Variants in AMD1 observed in about 807,000 individuals in gnomAD.
The protein encoded by AMD1 is S-adenosylmethionine decarboxylase proenzyme.
AMD1 carries 11 observed loss-of-function variants against 40.2 expected under a neutral mutation model. That is an observed-to-expected ratio of 0.27 (90% CI 0.17 to 0.45). The LOEUF is 0.45. AMD1 is among the 20% of genes least tolerant of loss of function. AMD1 has a pLI of 1.00. For synonymous variants in AMD1, 121 were observed against 130.8 expected, an observed-to-expected ratio of 0.93 and a Z score of 0.51; for missense variants, 257 against 410.2, an observed-to-expected ratio of 0.63 and a Z score of 3.23.
chr6:110,860,751 G>T, the AMD1 span, among the ~76,000 whole-genome samples: 3 of 151,338 alleles, frequency 2.0e-5, no homozygotes, highest in Admixed American at 1.3e-4. Flanking sequence ...AGTGAGCCAA[G>T]ATCATGCCAC....
the AMD1 span, among the ~76,000 whole-genome samples, chr6:110,823,447 C>G: frequency 7.2e-5 from 11 of 152,112 alleles, no homozygotes; most frequent in African/African-American, 2.7e-4. Flanking sequence ...TCTCTGTTTG[C>G]TATTGATATG....
intron 1 of AMD1, among the ~76,000 whole-genome samples, chr6:110,887,167 G>T (rs1267271398): frequency 6.6e-6 from 1 of 151,928 alleles, no homozygotes; most frequent in East Asian, 1.9e-4. Flanking sequence ...TTAAAAATCT[G>T]CACATTTTAT....
chr6:110,819,226 G>A, the AMD1 span, among the ~76,000 whole-genome samples: 15 of 152,138 alleles, frequency 9.9e-5, no homozygotes, highest in East Asian at 7.8e-4. Flanking sequence ...GCGTGGTGGC[G>A]CATGCCTGTA....
the AMD1 span, among the ~76,000 whole-genome samples, chr6:110,854,699 C>T: frequency 3.6e-4 from 55 of 152,228 alleles, 1 homozygote; most frequent in Non-Finnish European, 5.9e-5. Context: ...CCACCAGCCT[C>T]GGCCTCCCAA....
At chr6:110,872,226 G>A (rs759319195), upstream of AMD1, among the ~76,000 whole-genome samples, 2 of 152,172 alleles carry the variant, frequency 1.3e-5, no homozygotes, top group Non-Finnish European at 2.9e-5. Flanking sequence ...ATATAGACAT[G>A]TCTTTACATC....
the AMD1 span, among the ~76,000 whole-genome samples, chr6:110,818,424 A>G: frequency 1.3e-5 from 2 of 152,206 alleles, no homozygotes; most frequent in Non-Finnish European, 2.9e-5. Context: ...CTGGTGCAGC[A>G]TTATTGGATT....
chr6:110,839,806 T>C, the AMD1 span, among the ~76,000 whole-genome samples: 2 of 152,128 alleles, frequency 1.3e-5, no homozygotes, highest in Non-Finnish European at 2.9e-5. Context: ...GCCACCTGAA[T>C]AAATGCTGAG....
the AMD1 span, among the ~76,000 whole-genome samples, chr6:110,840,191 A>G: frequency 4.0e-5 from 6 of 151,840 alleles, no homozygotes; most frequent in Admixed American, 4.0e-4. Flanking sequence ...CGTTCTCAGG[A>G]TTCTCTAAGT....
At chr6:110,876,486 A>G (rs1386160337) in intron 1 of AMD1, among the ~76,000 whole-genome samples, 1 of 152,220 alleles carries the variant, frequency 6.6e-6, no homozygotes, top group Non-Finnish European at 1.5e-5. Flanking sequence ...GCAACTGGAA[A>G]AGGGAATCCA....
At chr6:110,823,233 A>G in the AMD1 span, among the ~76,000 whole-genome samples, 1 of 152,236 alleles carries the variant, frequency 6.6e-6, no homozygotes, top group Admixed American at 6.5e-5. Context: ...CCTCAAAATA[A>G]TAAAAGCCAT....
the AMD1 span, chr6:110,858,423 C>A: frequency 1.1e-6 from 1 of 906,850 alleles, no homozygotes; most frequent in Non-Finnish European, 1.9e-6. Flanking sequence ...AGTTTATGGA[C>A]ACTCATGAAC....
chr6:110,853,378 G>C, the AMD1 span, among the ~76,000 whole-genome samples: 4 of 151,466 alleles, frequency 2.6e-5, no homozygotes, highest in East Asian at 7.7e-4. Context: ...CGTGATCTCA[G>C]CTCACTGCAA....
rs147958306 is a variant in AMD1, at chr6:110,882,913, G to A, written c.111-4592G>A. On this transcript the variant is annotated intron_variant, in intron 1 of 8. Coordinates refer to ENST00000368885, the MANE Select transcript of AMD1 (RefSeq NM_001634.6). ...ATGGGAGGATCTCATTAGCCCAGGA[G>A]TTTGAGACCAACCTGGGCAACATAG... is the stretch of plus-strand genomic sequence containing the variant. Among the ~76,000 whole-genome samples the A allele has an allele frequency of 2.7e-3, 404 of 152,278 alleles. 4 individuals carry two copies. The highest frequency in any genetic ancestry group is 0.015 in the South Asian group (71 of 4,824).
Position 110,874,981 on chromosome 6 carries a change from A to T in AMD1, c.-125A>T, listed in dbSNP as rs1785018018. 1.5e-6 allele frequency: 1 copy of T among 681,098 alleles called. No homozygotes were observed. Among genetic ancestry groups the T allele is most frequent in the African/African-American group, 1.8e-5 (1 of 54,586 alleles). 42.2% of individuals were successfully genotyped at this position (681,098 alleles called of 1,614,324 possible). A position where few individuals can be genotyped will look rare whatever the true frequency, so the allele number is the denominator to read the frequency against. ...AGTTAATATAAAATTATAGCAAAAA[A>T]AAAAAGGAACCTGAACTTTAGTAAC... is the stretch of plus-strand genomic sequence containing the variant. On this transcript the variant is annotated 5_prime_UTR_variant, in exon 1 of 9. Coordinates refer to ENST00000368885, the MANE Select transcript of AMD1 (RefSeq NM_001634.6).
At chr6:110,883,100 G>C (rs1173900353) in intron 1 of AMD1, among the ~76,000 whole-genome samples, 5 of 152,168 alleles carry the variant, frequency 3.3e-5, no homozygotes, top group Non-Finnish European at 7.4e-5. Context: ...TCTCCAGCCT[G>C]GGTGACAGTG....
the AMD1 span, among the ~76,000 whole-genome samples, chr6:110,842,080 T>C: frequency 6.6e-6 from 1 of 152,014 alleles, no homozygotes; most frequent in South Asian, 2.1e-4. Context: ...TGGGATTATA[T>C]GCATGAGCCA....
chr6:110,879,362 A>G (rs907212465), intron 1 of AMD1, among the ~76,000 whole-genome samples: 4 of 152,200 alleles, frequency 2.6e-5, no homozygotes, highest in Admixed American at 1.3e-4. Flanking sequence ...CAACAACGAA[A>G]ATATTTCAAC....
At chr6:110,890,067 G>T in intron 3 of AMD1, 187 bp from the exon 4 acceptor site, 1 of 510,228 alleles carries the variant, frequency 2.0e-6, no homozygotes. Context: ...GGACTCCTGG[G>T]CCAAGTGATC....
At chr6:110,857,796 T>C in the AMD1 span, among the ~76,000 whole-genome samples, 11 of 148,450 alleles carry the variant, frequency 7.4e-5, no homozygotes, top group South Asian at 4.2e-4. Flanking sequence ...AGATGGTATA[T>C]ATATATAGAT....
Sources: gnomAD v4.1 joint callset for allele counts (sites outside exome capture counted in the v4.1 genomes callset) on GRCh38, gnomAD v4.1.1 for gene constraint, MANE v1.5 for transcripts, NCBI Gene and HGNC (gene_info 2026-07-23, HGNC 2026-07-21) for gene names.